The following RAD21 variants were observed in gnomAD, a reference collection of about 807,000 sequenced individuals.
RAD21 encodes RAD21 cohesin complex component.
Under a neutral mutation model 71.5 loss-of-function variants are expected in RAD21, and 18 were observed. The observed-to-expected ratio is 0.25, with a 90% CI of 0.17 to 0.37. The LOEUF (loss-of-function observed/expected upper bound fraction) is 0.37. Among genes scored for constraint, RAD21 ranks in the 10% least tolerant of loss-of-function variants. RAD21 has a pLI of 1.00. For missense variants in RAD21, 493 were observed against 769.1 expected, an observed-to-expected ratio of 0.64 and a Z score of 4.25; for synonymous variants, 248 against 254.0, an observed-to-expected ratio of 0.98 and a Z score of 0.22.
Position 116,846,533 on chromosome 8 carries a change from AAGG to A in RAD21, c.*964_*966del. 4.4e-6 allele frequency: 1 copy of A among 228,030 alleles called. No individual in the cohort carries two copies. Among genetic ancestry groups the A allele is most frequent in the Admixed American group, 5.7e-5 (1 of 17,614 alleles). The allele number at this position is 228,030 out of a possible 1,614,324, so 14.1% of individuals were successfully genotyped here. A position where few individuals can be genotyped will look rare whatever the true frequency, so the allele number is the denominator to read the frequency against. ...AAACCAGGAGTGTGCAGCACTGGAAAAGGAGATCAGTACTAAAACTTACAATAA... is the reference window on the plus strand; with the variant it reads ...AAACCAGGAGTGTGCAGCACTGGAAAAGATCAGTACTAAAACTTACAATAA... On this transcript the variant is annotated 3_prime_UTR_variant, in exon 14 of 14. Coordinates refer to ENST00000297338, the MANE Select transcript of RAD21 (RefSeq NM_006265.3).
chr8:116,856,138 G>C, intron 8 of RAD21, 28 bp downstream of exon 8: 1 of 1,601,512 alleles, frequency 6.2e-7, no homozygotes, highest in Non-Finnish European at 8.5e-7. Flanking sequence ...GTTGTATGCT[G>C]TATAAATCTA....
At chr8:116,850,896 CCCA>C (rs1812336219) in intron 11 of RAD21, 129 bp from the exon 12 acceptor site, 2 of 547,736 alleles carry the variant, frequency 3.7e-6, no homozygotes, top group Admixed American at 3.3e-5. Flanking sequence ...TCTATACTTC[CCCA>C]CAAGGAAAAA....
At position 116,852,109 on chromosome 8, in the gene RAD21, A is replaced by G; in HGVS notation, c.1322-13T>C. On this transcript the variant is annotated splice_polypyrimidine_tract_variant and intron_variant, in intron 10 of 13. Coordinates refer to ENST00000297338, the MANE Select transcript of RAD21 (RefSeq NM_006265.3). ...ATAATGGGCTCATCTGCAATTGGTC[A>G]TATGAAGAGAAAACATAGGTCATAC... is the stretch of plus-strand genomic sequence containing the variant. The G allele has an allele frequency of 6.3e-7, 1 of 1,590,818 alleles. No individual in the cohort carries two copies. The highest frequency in any genetic ancestry group is 8.6e-7 in the Non-Finnish European group (1 of 1,161,764).
intron 2 of RAD21, among the ~76,000 whole-genome samples, chr8:116,865,829 A>G (rs1812678545): frequency 6.6e-6 from 1 of 152,088 alleles, no homozygotes; most frequent in East Asian, 1.9e-4. Flanking sequence ...AAACTTACGA[A>G]AAGGCACAGA....
intron 6 of RAD21, among the ~76,000 whole-genome samples, chr8:116,856,984 TTATC>T (rs1476009777): frequency 8.6e-5 from 9 of 104,268 alleles, no homozygotes; most frequent in South Asian, 7.9e-4. Context: ...TCTAGTTTAT[TTATC>T]TATTTTAAAA....
intron 3 of RAD21, among the ~76,000 whole-genome samples, chr8:116,862,617 A>G (rs1488820648): frequency 6.6e-6 from 1 of 152,074 alleles, no homozygotes; most frequent in African/African-American, 2.4e-5. Flanking sequence ...TGCTTTTAAA[A>G]ATTATAGAAA....
intron 13 of RAD21, 140 bp from the exon 14 acceptor site, chr8:116,847,831 G>T: frequency 1.2e-6 from 1 of 821,692 alleles, no homozygotes. Context: ...ATGGAGCCTA[G>T]TGAGGTGTTT....
At chr8:116,852,120 A>G in intron 10 of RAD21, 24 bp from the exon 11 acceptor site, 1 of 1,584,496 alleles carries the variant, frequency 6.3e-7, no homozygotes, top group Non-Finnish European at 8.6e-7. Context: ...TATGAAGAGA[A>G]AACATAGGTC....
chr8:116,857,493 TCA>T lies in RAD21; in HGVS notation c.482-22_482-21del. 1 of 1,595,386 alleles carries T rather than the reference TCA, an allele frequency of 6.3e-7. No individual in the cohort carries two copies. Among genetic ancestry groups the T allele is most frequent in the Non-Finnish European group, 8.6e-7 (1 of 1,165,570 alleles). On this transcript the variant is annotated intron_variant, in intron 5 of 13. Transcript: ENST00000297338. ...AATCACCTAAACAAATTTTAATTTG[TCA>T]TTAGTTTAGAAAGATTAGAAATAGC...
At chr8:116,855,957 G>A (rs1812454010) in intron 8 of RAD21, among the ~76,000 whole-genome samples, 1 of 151,946 alleles carries the variant, frequency 6.6e-6, no homozygotes. Flanking sequence ...TTGGATAGAA[G>A]AAAGACTCTA....
At chr8:116,848,200 A>C (rs1046444275) in intron 13 of RAD21, among the ~76,000 whole-genome samples, 2 of 152,166 alleles carry the variant, frequency 1.3e-5, no homozygotes, top group Non-Finnish European at 2.9e-5. Context: ...AAAACAAACT[A>C]TATATTCTGC....
rs766898995 is a variant in RAD21 at position 116,848,935 on chromosome 8, A to T, written c.1704+11T>A. On this transcript the variant is annotated intron_variant, in intron 13 of 13. Transcript: ENST00000297338. ...ATGAAGCATTTTCCTCTGAGACAAC[A>T]GCGGCAATACCTGAAGACCATGAAG... is the stretch of plus-strand genomic sequence containing the variant. The T allele has an allele frequency of 3.1e-6, 5 of 1,597,686 alleles. No individual in the cohort carries two copies. In the South Asian group the frequency reaches 5.6e-5, roughly 18 times the overall value.
At chr8:116,872,450 G>A (rs1006512881) in intron 1 of RAD21, among the ~76,000 whole-genome samples, 1 of 152,088 alleles carries the variant, frequency 6.6e-6, no homozygotes, top group Non-Finnish European at 1.5e-5. Flanking sequence ...GCGTACACAT[G>A]AAACTGGTGA....
intron 2 of RAD21, among the ~76,000 whole-genome samples, chr8:116,866,091 T>C (rs1380230217): frequency 6.6e-6 from 1 of 152,184 alleles, no homozygotes; most frequent in Non-Finnish European, 1.5e-5. Context: ...GTGCTCTGCC[T>C]ACTCAACCCT....
At chr8:116,861,368 A>T (rs974800097) in intron 4 of RAD21, among the ~76,000 whole-genome samples, 1 of 151,106 alleles carries the variant, frequency 6.6e-6, no homozygotes, top group African/African-American at 2.4e-5. Context: ...TCTCCTCTCA[A>T]ATGTGTGTCA....
chr8:116,870,358 G>A (rs1397614306), intron 1 of RAD21, among the ~76,000 whole-genome samples: 1 of 151,944 alleles, frequency 6.6e-6, no homozygotes, highest in East Asian at 1.9e-4. Flanking sequence ...AAGACCCCGT[G>A]TTTATTTTTT....
intron 8 of RAD21, among the ~76,000 whole-genome samples, chr8:116,855,585 A>C (rs970490599): frequency 9.9e-5 from 15 of 152,154 alleles, no homozygotes; most frequent in Non-Finnish European, 2.1e-4. Flanking sequence ...TCTTGAAGAG[A>C]CAGGTCTTAC....
intron 9 of RAD21, 100 bp from the exon 10 acceptor site, chr8:116,852,808 T>G: frequency 1.2e-6 from 1 of 852,936 alleles, no homozygotes; most frequent in Non-Finnish European, 1.6e-6. Context: ...CTAATAAATA[T>G]AAGTGTATAA....
chr8:116,851,446 T>C (rs1812346106), intron 11 of RAD21: 1 of 152,318 alleles, frequency 6.6e-6, no homozygotes, highest in Non-Finnish European at 1.5e-5. Context: ...AATTCATTTA[T>C]TCTATGGACT....
Sources: gnomAD v4.1 joint callset for allele counts (sites outside exome capture counted in the v4.1 genomes callset) on GRCh38, gnomAD v4.1.1 for gene constraint, MANE v1.5 for transcripts, NCBI Gene and HGNC (gene_info 2026-07-23, HGNC 2026-07-21) for gene names.